SPRYD3: variants seen among roughly 807,000 people sequenced by gnomAD.
SPRYD3 encodes the protein SPRY domain containing 3.
A neutral mutation model predicts 50.1 loss-of-function variants in SPRYD3; 17 were observed. The ratio of observed to expected loss-of-function variants is 0.34; its 90% CI spans 0.23 to 0.51. The LOEUF is 0.51. Ranked by LOEUF, SPRYD3 falls within the 20% of genes least tolerant of loss-of-function variation. The pLI is 0.97. For missense variants in SPRYD3, 401 were observed against 591.2 expected (o/e 0.68, Z 3.34); for synonymous variants, 198 against 215.5 (o/e 0.92, Z 0.71).
chr12:53,071,263 CA>C (rs981847395), intron 6 of SPRYD3, among the ~76,000 whole-genome samples: 5 of 152,158 alleles, frequency 3.3e-5, no homozygotes, highest in African/African-American at 9.7e-5. Flanking sequence ...CCTCATTCAC[CA>C]CCCTGTGTGT....
chr12:53,068,577 C>G (rs1171326602), intron 6 of SPRYD3, among the ~76,000 whole-genome samples: 1 of 152,154 alleles, frequency 6.6e-6, no homozygotes, highest in Non-Finnish European at 1.5e-5. Flanking sequence ...AGCAGCACAG[C>G]TAGGGGAGCG....
intron 2 of SPRYD3, 51 bp downstream of exon 2, chr12:53,077,060 CCTCT>C: frequency 6.4e-7 from 1 of 1,555,718 alleles, no homozygotes; most frequent in Non-Finnish European, 8.7e-7. Flanking sequence ...AAAACCCTTT[CCTCT>C]CTAAGATCTG....
At chr12:53,078,530 A>G (rs1476858241) in intron 1 of SPRYD3, among the ~76,000 whole-genome samples, 3 of 152,026 alleles carry the variant, frequency 2.0e-5, no homozygotes, top group Non-Finnish European at 4.4e-5. Context: ...CCTAAAGATC[A>G]TTCCAGCTGC....
intron 8 of SPRYD3, 73 bp downstream of exon 8, chr12:53,067,575 G>A: frequency 1.4e-6 from 2 of 1,450,608 alleles, no homozygotes; most frequent in Admixed American, 1.7e-5. Flanking sequence ...GGGGCCAGGA[G>A]AGGGGAAAGT....
At chr12:53,066,237 AGTTCT>A in intron 10 of SPRYD3, 72 bp downstream of exon 10, 1 of 1,557,022 alleles carries the variant, frequency 6.4e-7, no homozygotes, top group Admixed American at 1.8e-5. Flanking sequence ...CCTGGTTGTG[AGTTCT>A]GTTCCCCACT....
chr12:53,073,684 A>C (rs1266997437), intron 5 of SPRYD3, among the ~76,000 whole-genome samples: 1 of 152,014 alleles, frequency 6.6e-6, no homozygotes, highest in African/African-American at 2.4e-5. Flanking sequence ...CTCTACTAAA[A>C]ATACAAAAAA....
At chr12:53,068,421 A>G in intron 6 of SPRYD3, 117 bp from the exon 7 acceptor site, 1 of 1,235,342 alleles carries the variant, frequency 8.1e-7, no homozygotes, top group South Asian at 1.4e-5. Context: ...CCTGGCTGAA[A>G]GGGAAAGAAT....
intron 6 of SPRYD3, 31 bp downstream of exon 6, chr12:53,073,255 A>AGCCCCGGGGGGGGG: frequency 5.2e-6 from 2 of 383,668 alleles, no homozygotes; most frequent in Non-Finnish European, 9.8e-6. Flanking sequence ...CCTCCGACCC[A>AGCCCCGGGGGGGGG]GCCCCTCCCA....
intron 1 of SPRYD3, chr12:53,078,062 T>A: frequency 2.2e-6 from 1 of 451,574 alleles, no homozygotes; most frequent in Non-Finnish European, 4.5e-6. Flanking sequence ...AGCATGCACC[T>A]GTAGTCCCAG....
rs758602722 is a variant in SPRYD3, at chr12:53,077,167, A to C, written c.118T>G (p.Phe40Val). Reference sequence around the variant, plus strand: ...TGTTTGAACCTCTCCTGATATCGGAAAGCTCGGACCTCTCGAATCTCCCGG... The same window carrying C: ...TGTTTGAACCTCTCCTGATATCGGACAGCTCGGACCTCTCGAATCTCCCGG... ...RIREIREVRA[F>V]RYQERFKHIL... The change falls in exon 2 of 11, where the codon TTC becomes GTC. Residue 40 changes from phenylalanine (F) to valine (V), a missense_variant. Coordinates refer to ENST00000301463, the MANE Select transcript of SPRYD3 (RefSeq NM_032840.3). 1 of 1,614,274 alleles carries C rather than the reference A, an allele frequency of 6.2e-7. No homozygotes were observed. Among genetic ancestry groups the C allele is most frequent in the South Asian group, 1.1e-5 (1 of 91,086 alleles).
rs749605243 is a variant in SPRYD3 at position 53,073,366 on chromosome 12, G to A, written c.613C>T (p.Arg205Cys). ...VRLHLNAELG[R>C]EDDSVMMVDS... ...ACCATCATGACGCTGTCGTCCTCAC[G>A]GCCCAGCTCAGCGTTGAGGTGCAGC... The change falls in exon 6 of 11, where the codon CGT (arginine) becomes TGT (cysteine). Residue 205 changes from arginine (R) to cysteine (C), a missense_variant. Arg to Cys is a radical substitution (Grantham distance 180). Coordinates refer to ENST00000301463, the MANE Select transcript of SPRYD3 (RefSeq NM_032840.3). 6.3e-6 allele frequency: 10 copies of A among 1,590,530 alleles called. No homozygotes were observed. Among genetic ancestry groups the A allele is most frequent in the East Asian group, 2.3e-5 (1 of 44,014 alleles).
intron 6 of SPRYD3, 70 bp from the exon 7 acceptor site, chr12:53,068,374 C>A: frequency 1.3e-6 from 2 of 1,561,058 alleles, no homozygotes; most frequent in Non-Finnish European, 1.7e-6. Context: ...GGGCCCAAGG[C>A]AGTCTGGGTC....
chr12:53,066,901 T>G (rs1051705891), intron 8 of SPRYD3, among the ~76,000 whole-genome samples: 15 of 152,064 alleles, frequency 9.9e-5, no homozygotes, highest in South Asian at 4.2e-4. Flanking sequence ...TCACCTGAAG[T>G]CAGGAGTTTG....
intron 10 of SPRYD3, 50 bp downstream of exon 10, chr12:53,066,264 T>G: frequency 6.3e-7 from 1 of 1,591,830 alleles, no homozygotes; most frequent in African/African-American, 1.3e-5. Flanking sequence ...ATACCCACCC[T>G]TTGCCCAGAC....
At position 53,073,315 on chromosome 12, in the gene SPRYD3, G is replaced by A. The variant is rs754745114; in HGVS notation, c.664C>T (p.Arg222Trp). 3.7e-6 allele frequency: 5 copies of A among 1,341,038 alleles called. No individual in the cohort carries two copies. Among genetic ancestry groups the A allele is most frequent in the South Asian group, 1.2e-5 (1 of 84,100 alleles). The allele number at this position is 1,341,038 out of a possible 1,614,324, so 83.1% of individuals were successfully genotyped here. A position where few individuals can be genotyped will look rare whatever the true frequency, so the allele number is the denominator to read the frequency against. The change falls in exon 6 of 11, where the codon CGG becomes TGG. Residue 222 changes from arginine to tryptophan, a missense_variant. Arg to Trp is a moderately radical substitution (Grantham distance 101, BLOSUM62 -3). Coordinates refer to ENST00000301463, the MANE Select transcript of SPRYD3 (RefSeq NM_032840.3). Reference protein sequence around the residue: ...MVDSYEDEWGRLHDVRVCGTL... With the variant: ...MVDSYEDEWGWLHDVRVCGTL... ...CCACAGACTCTGACATCATGTAGCCGGCCCCATTCATCCTCGTAACTGTCC... is the reference window on the plus strand; with the variant it reads ...CCACAGACTCTGACATCATGTAGCCAGCCCCATTCATCCTCGTAACTGTCC...
At position 53,077,196 on chromosome 12, in the gene SPRYD3, C is replaced by T. The variant is rs1320463051; in HGVS notation, c.89G>A (p.Arg30Gln). ...TCGGACCTCTCGAATCTCCCGGATC[C>T]GCCGGCGCCAATTCAGAAACCGGTA... is the stretch of plus-strand genomic sequence containing the variant. ...LHYRFLNWRR[R>Q]IREIREVRAF... The change falls in exon 2 of 11, where the codon CGG (arginine) becomes CAG (glutamine). Residue 30 changes from arginine (R) to glutamine (Q), a missense_variant. Coordinates refer to ENST00000301463, the MANE Select transcript of SPRYD3 (RefSeq NM_032840.3). 7 of 1,614,214 alleles carry T rather than the reference C, an allele frequency of 4.3e-6. No homozygotes were observed. The highest frequency in any genetic ancestry group is 5.9e-6 in the Non-Finnish European group (7 of 1,180,040).
At chr12:53,078,438 G>A (rs1030246028) in intron 1 of SPRYD3, among the ~76,000 whole-genome samples, 11 of 149,166 alleles carry the variant, frequency 7.4e-5, no homozygotes, top group Admixed American at 2.7e-4. Context: ...GCAGTGAGCC[G>A]AGATCGTCCC....
At chr12:53,066,202 C>T (rs918877136) in intron 10 of SPRYD3, 112 bp downstream of exon 10, 63 of 1,532,622 alleles carry the variant, frequency 4.1e-5, no homozygotes, top group Non-Finnish European at 4.8e-5. Context: ...CCTTGGGCAA[C>T]GCCAGAGCTT....
intron 6 of SPRYD3, 27 bp downstream of exon 6, chr12:53,073,259 C>CCCGGGGGGGGGGGGGGCG: frequency 2.5e-6 from 1 of 400,930 alleles, no homozygotes; most frequent in Non-Finnish European, 4.6e-6. Flanking sequence ...CGACCCAGCC[C>CCCGGGGGGGGGGGGGGCG]CTCCCACCCT....
Sources: allele counts gnomAD v4.1 joint callset (sites outside exome capture counted in the v4.1 genomes callset), GRCh38; gene constraint gnomAD v4.1.1; transcripts MANE v1.5; gene names NCBI Gene and HGNC (gene_info 2026-07-23, HGNC 2026-07-21).